SMAP1: variants seen among roughly 807,000 people sequenced by gnomAD.
The protein encoded by SMAP1 is small ArfGAP 1.
Under a neutral mutation model 58.5 loss-of-function variants are expected in SMAP1, and 24 were observed. The ratio of observed to expected loss-of-function variants is 0.41; its 90% confidence interval spans 0.30 to 0.58. SMAP1 has a LOEUF of 0.58. Ranked by LOEUF, SMAP1 falls within the 20% of genes least tolerant of loss-of-function variation. The pLI is 0.29. For missense variants in SMAP1, 563 were observed against 566.3 expected (o/e 0.99, Z 0.06); for synonymous variants, 216 against 196.6 (o/e 1.10, Z -0.82).
chr6:70,764,132 C>T lies in SMAP1; in HGVS notation c.338+9067C>T, dbSNP rs1766865792. Among the ~76,000 whole-genome samples the T allele has an allele frequency of 3.4e-5, 5 of 146,798 alleles. No individual in the cohort carries two copies. In the South Asian group the frequency reaches 1.1e-3, roughly 32 times the overall value. On this transcript the variant is annotated intron_variant, in intron 3 of 10. Transcript: ENST00000370455. Reference sequence around the variant, plus strand: ...TTGCTATATTGCCCAGGCTGTTCTTCAACTCCCAGGCTTAAGTAATCCTCC... The same window carrying T: ...TTGCTATATTGCCCAGGCTGTTCTTTAACTCCCAGGCTTAAGTAATCCTCC...
intron 1 of SMAP1, among the ~76,000 whole-genome samples, chr6:70,706,941 A>G (rs1767865771): frequency 6.6e-6 from 1 of 152,228 alleles, no homozygotes; most frequent in African/African-American, 2.4e-5. Flanking sequence ...ATCATTAGTC[A>G]TTAGAATGAT....
rs933216810 is a variant in SMAP1, at chr6:70,860,267, C to T, written c.1337C>T (p.Ser446Phe). 6.2e-7 allele frequency: 1 copy of T among 1,613,770 alleles called. No homozygotes were observed. The highest frequency in any genetic ancestry group is 8.5e-7 in the Non-Finnish European group (1 of 1,179,868). The change falls in exon 11 of 11, where the codon TCC (serine) becomes TTC (phenylalanine). Residue 446 changes from serine (S) to phenylalanine (F), a missense_variant. This residue lies in a region of SMAP1 where 494 missense variants were observed against 473.8 expected (regional missense o/e 1.04). Coordinates refer to ENST00000370455, the MANE Select transcript of SMAP1 (RefSeq NM_001044305.3). ...CCTACTGCAGGTTTTGGCCAGCCCT[C>T]CAGCACAACAGCAGGATGGTCTGGA... ...ATPTAGFGQPSSTTAGWSGSS... is the reference protein window; with the variant it reads ...ATPTAGFGQPFSTTAGWSGSS...
intron 6 of SMAP1, among the ~76,000 whole-genome samples, chr6:70,808,774 A>G (rs1199327903): frequency 6.6e-6 from 1 of 151,262 alleles, no homozygotes; most frequent in Non-Finnish European, 1.5e-5. Flanking sequence ...CCTCACTATT[A>G]TTTCAAACTG....
intron 1 of SMAP1, among the ~76,000 whole-genome samples, chr6:70,724,150 TGTTG>T (rs749764834): frequency 0.013 from 1,952 of 150,218 alleles, 14 homozygotes; most frequent in Non-Finnish European, 0.022. Flanking sequence ...GTTTTTTTTT[TGTTG>T]TTGTTGTTGT....
intron 4 of SMAP1, among the ~76,000 whole-genome samples, chr6:70,781,157 C>G (rs535259245): frequency 1.3e-5 from 2 of 152,230 alleles, no homozygotes; most frequent in East Asian, 3.9e-4. Flanking sequence ...CCCAATAGAG[C>G]ATGTAAAGGA....
At position 70,713,370 on chromosome 6, in the gene SMAP1, A is replaced by AT. The variant is rs533568804; in HGVS notation, c.119-19000dup. ...GTATAGTTAGGTTGTTTATTTTGAG[A>AT]TTTTTTTTAATGCAGACATTTATCA... On this transcript the variant is annotated intron_variant, in intron 1 of 10. Transcript: ENST00000370455. Among the ~76,000 whole-genome samples, 498 of 150,560 alleles carry AT rather than the reference A, an allele frequency of 3.3e-3. 2 individuals are homozygous for AT. Among genetic ancestry groups the AT allele is most frequent in the African/African-American group, 0.01 (418 of 40,996 alleles).
chr6:70,715,959 C>A (rs551241701), intron 1 of SMAP1, among the ~76,000 whole-genome samples: 1 of 152,254 alleles, frequency 6.6e-6, no homozygotes, highest in African/African-American at 2.4e-5. Flanking sequence ...AGCTTAGCTC[C>A]CACTTATGAG....
intron 6 of SMAP1, among the ~76,000 whole-genome samples, chr6:70,807,529 A>G (rs561471894): frequency 6.6e-6 from 1 of 152,352 alleles, no homozygotes; most frequent in Admixed American, 6.5e-5. Flanking sequence ...CAAGTAATCA[A>G]TGATCTATAA....
intron 1 of SMAP1, among the ~76,000 whole-genome samples, chr6:70,675,878 C>T (rs1766462776): frequency 6.6e-6 from 1 of 152,082 alleles, no homozygotes; most frequent in African/African-American, 2.4e-5. Context: ...TGTCATTGTG[C>T]CTAAGTTGTT....
chr6:70,708,710 G>T (rs1020626014), intron 1 of SMAP1, among the ~76,000 whole-genome samples: 1 of 152,086 alleles, frequency 6.6e-6, no homozygotes, highest in African/African-American at 2.4e-5. Flanking sequence ...TTTATCTGAT[G>T]ACTAATGATG....
chr6:70,766,254 C>T (rs1025375139), intron 3 of SMAP1, among the ~76,000 whole-genome samples: 2 of 152,116 alleles, frequency 1.3e-5, no homozygotes, highest in African/African-American at 4.8e-5. Context: ...CCTTTGGGTA[C>T]ATACCTAGTA....
intron 4 of SMAP1, among the ~76,000 whole-genome samples, chr6:70,786,598 C>T (rs911056255): frequency 6.6e-6 from 1 of 151,918 alleles, no homozygotes; most frequent in African/African-American, 2.4e-5. Flanking sequence ...TAAGCAACTT[C>T]AGCAAAGTCT....
chr6:70,806,162 G>A (rs1042368913), intron 6 of SMAP1, among the ~76,000 whole-genome samples: 4 of 152,304 alleles, frequency 2.6e-5, no homozygotes, highest in African/African-American at 7.2e-5. Flanking sequence ...GGTGGGCTCC[G>A]CTAAGTTTGA....
intron 2 of SMAP1, among the ~76,000 whole-genome samples, chr6:70,743,587 TATAC>T (rs1316833978): frequency 1.3e-5 from 2 of 152,236 alleles, no homozygotes; most frequent in Admixed American, 1.3e-4. Context: ...CAATTCTTGG[TATAC>T]ATTTATTCAA....
At position 70,802,683 on chromosome 6, in the gene SMAP1, A is replaced by G. The variant is rs573176865; in HGVS notation, c.576+3946A>G. 2.0e-5 allele frequency among the ~76,000 whole-genome samples: 3 copies of G among 152,234 alleles called. No individual in the cohort carries two copies. In the South Asian group the frequency reaches 6.2e-4, roughly 32 times the overall value. The stretch of plus-strand genomic sequence containing the variant: ...TTATTATTTTGAGATATGTTTCATC[A>G]ATATCTAGTTTATTGAGAGTTTTTA... On this transcript the variant is annotated intron_variant, in intron 6 of 10. Transcript: ENST00000370455.
intron 1 of SMAP1, among the ~76,000 whole-genome samples, chr6:70,702,151 C>T (rs976464763): frequency 6.6e-6 from 1 of 151,826 alleles, no homozygotes; most frequent in Non-Finnish European, 1.5e-5. Flanking sequence ...TCTGTTTATC[C>T]TTAGTTTTAA....
At chr6:70,670,118 T>G (rs913306327) in intron 1 of SMAP1, among the ~76,000 whole-genome samples, 1 of 152,280 alleles carries the variant, frequency 6.6e-6, no homozygotes, top group Non-Finnish European at 1.5e-5. Flanking sequence ...TGAATGAATG[T>G]CTTTTGTATT....
At chr6:70,810,013 TA>T (rs2149968534) in intron 6 of SMAP1, among the ~76,000 whole-genome samples, 1 of 152,220 alleles carries the variant, frequency 6.6e-6, no homozygotes, top group South Asian at 2.1e-4. Context: ...TAGGAGGCAT[TA>T]AAAAAGAAAA....
At chr6:70,820,720 A>G (rs970758433) in intron 6 of SMAP1, among the ~76,000 whole-genome samples, 2 of 152,046 alleles carry the variant, frequency 1.3e-5, no homozygotes, top group Admixed American at 6.6e-5. Context: ...AAAAAAAAAA[A>G]GAAAACTTTA....
Sources: gnomAD v4.1 joint callset for allele counts (sites outside exome capture counted in the v4.1 genomes callset) on GRCh38, gnomAD v4.1.1 for gene constraint, gnomAD v4.1.1 regional missense constraint, MANE v1.5 for transcripts, NCBI Gene and HGNC (gene_info 2026-07-23, HGNC 2026-07-21) for gene names.